TMEM223: variants seen among roughly 807,000 people sequenced by gnomAD.
The protein encoded by TMEM223 is transmembrane protein 223.
Under a neutral mutation model 14.1 loss-of-function variants are expected in TMEM223, and 14 were observed. The ratio of observed to expected loss-of-function variants is 0.99; its 90% confidence interval spans 0.66 to 1.55. The LOEUF (loss-of-function observed/expected upper bound fraction) is 1.55, where lower values mean the gene tolerates loss of function less well. Ranked by LOEUF, TMEM223 falls within the 40% of genes most tolerant of loss-of-function variation. The pLI, the probability that TMEM223 is intolerant of heterozygous loss-of-function variation, is 0.00. For synonymous variants in TMEM223, 145 were observed against 120.5 expected, an observed-to-expected ratio of 1.20 and a Z score of -1.33; for missense variants, 346 against 269.9, an observed-to-expected ratio of 1.28 and a Z score of -1.97.
Position 62,790,607 on chromosome 11 carries a change from A to C in TMEM223, c.*16T>G. 6.3e-7 allele frequency: 1 copy of C among 1,597,366 alleles called. No homozygotes were observed. The highest frequency in any genetic ancestry group is 8.6e-7 in the Non-Finnish European group (1 of 1,169,532). On this transcript the variant is annotated 3_prime_UTR_variant, in exon 2 of 2. Transcript: ENST00000307366. ...TATCCTCCTCTTGGAGAGGTGAGTGACTTGAGGTCATTTCTTCACAAGCTC... is the reference window on the plus strand; with the variant it reads ...TATCCTCCTCTTGGAGAGGTGAGTGCCTTGAGGTCATTTCTTCACAAGCTC...
chr11:62,791,772 G>A lies in TMEM223; in HGVS notation c.223C>T (p.Gln75Ter), dbSNP rs762877900. ...TTTGGGACCTCCGCATCCAGAGGCT[G>A]CACCGGAACCGGGGGCCGGGACACG... ...AAVSRPPVPV[Q>*]PLDAEVPNRG... The change falls in exon 1 of 2, where the codon CAG becomes TAG. Residue 75 changes from glutamine (Q) to a stop codon, truncating the protein, a stop_gained. Coordinates refer to ENST00000307366, the MANE Select transcript of TMEM223 (RefSeq NM_001080501.3). LOFTEE classifies it high-confidence loss of function. The A allele has an allele frequency of 5.7e-6, 9 of 1,566,988 alleles. No individual in the cohort carries two copies. In the South Asian group the frequency reaches 7.0e-5, roughly 12 times the overall value.
downstream of TMEM223, chr11:62,782,713 G>A (rs2084239425): frequency 6.2e-7 from 1 of 1,612,306 alleles, no homozygotes; most frequent in Non-Finnish European, 8.5e-7. Flanking sequence ...GACCTTGTAA[G>A]TGGCCTCTAT....
chr11:62,776,886 CACCT>C (rs1334011484), intron 1 of TMEM223, among the ~76,000 whole-genome samples: 4 of 149,206 alleles, frequency 2.7e-5, no homozygotes, highest in African/African-American at 9.9e-5. Context: ...CAGGAGCTTA[CACCT>C]AAAATCCCAG....
chr11:62,791,647 T>C (rs746208203), intron 1 of TMEM223, 32 bp downstream of exon 1: 5 of 1,495,368 alleles, frequency 3.3e-6, no homozygotes, highest in East Asian at 2.5e-5. Context: ...CCACCCCACG[T>C]TGTCACAGTG....
chr11:62,771,995 G>A (rs1156249131), exon 3 of TMEM223: 3 of 409,646 alleles, frequency 7.3e-6, no homozygotes, highest in Admixed American at 2.9e-5. Flanking sequence ...TACAGCTGGC[G>A]GCTCCTGAAT....
At chr11:62,789,421 A>G, downstream of TMEM223, 1 of 1,613,282 alleles carries the variant, frequency 6.2e-7, no homozygotes, top group Non-Finnish European at 8.5e-7. Context: ...TGAACACTAC[A>G]ATTAGGTAAT....
downstream of TMEM223, among the ~76,000 whole-genome samples, chr11:62,784,032 G>C: frequency 1.3e-3 from 1 of 750 alleles, no homozygotes; most frequent in African/African-American, 4.0e-3. Context: ...ACTGTCGCCC[G>C]GGCTGGAGTG....
At chr11:62,787,421 G>C, downstream of TMEM223, 3 of 1,560,152 alleles carry the variant, frequency 1.9e-6, no homozygotes, top group Middle Eastern at 1.7e-4. Flanking sequence ...CTTCCTGGTG[G>C]TCAGGGCGCC....
downstream of TMEM223, chr11:62,787,449 G>A: frequency 6.4e-7 from 1 of 1,568,718 alleles, no homozygotes; most frequent in South Asian, 1.1e-5. Flanking sequence ...TGTCCTGGCT[G>A]CAGCGCGTCG....
chr11:62,787,080 T>C, downstream of TMEM223: 1 of 1,535,282 alleles, frequency 6.5e-7, no homozygotes, highest in Non-Finnish European at 8.7e-7. Context: ...AGAAGAGCCG[T>C]TTCGCCCCGC....
At position 62,790,133 on chromosome 11, in the gene TMEM223, A is replaced by T; in HGVS notation, c.*490T>A. 272 of 835,530 alleles carry T rather than the reference A, an allele frequency of 3.3e-4. No individual in the cohort carries two copies. Among genetic ancestry groups the T allele is most frequent in the Middle Eastern group, 1.7e-3 (4 of 2,346 alleles). The allele number at this position is 835,530 out of a possible 1,614,324, so 51.8% of individuals were successfully genotyped here. A position where few individuals can be genotyped will look rare whatever the true frequency, so the allele number is the denominator to read the frequency against. On this transcript the variant is annotated 3_prime_UTR_variant, in exon 2 of 2. Transcript: ENST00000307366. ...CCCTCAAGGCCCTGTTTATGTTGGG[A>T]GTCTTAGTTTTCCTTTCGTTGGGGG...
rs2084350143 is a variant in TMEM223, at chr11:62,790,666, G to A, written c.566C>T (p.Thr189Ile). The change falls in exon 2 of 2, where the codon ACA (threonine) becomes ATA (isoleucine). Residue 189 changes from threonine (T) to isoleucine (I), a missense_variant. Physicochemically the swap from Thr to Ile is moderately conservative, Grantham distance 89. Coordinates refer to ENST00000307366, the MANE Select transcript of TMEM223 (RefSeq NM_001080501.3). Reference protein sequence around the residue: ...LLDKTGHFPNTKLFDNTVGAY... With the variant: ...LLDKTGHFPNIKLFDNTVGAY... Reference sequence around the variant, plus strand: ...ACCCACAGTATTGTCAAAGAGTTTTGTGTTAGGGAAGTGTCCAGTTTTGTC... The same window carrying A: ...ACCCACAGTATTGTCAAAGAGTTTTATGTTAGGGAAGTGTCCAGTTTTGTC... The A allele has an allele frequency of 4.3e-6, 7 of 1,612,316 alleles. No homozygotes were observed. Among genetic ancestry groups the A allele is most frequent in the Non-Finnish European group, 5.9e-6 (7 of 1,179,190 alleles).
At chr11:62,786,239 T>C (rs2084273894), downstream of TMEM223, 3 of 1,604,728 alleles carry the variant, frequency 1.9e-6, no homozygotes, top group South Asian at 2.2e-5. Context: ...ATGCTAACTG[T>C]ATTCCTTCTC....
Position 62,780,979 on chromosome 11 carries a change from T to G in TMEM223, c.315-6314A>C, listed in dbSNP as rs2084225194. ...GGCCGGGCACGGTGGCTAACGCCTG[T>G]AATCTCAGCACTTTGGGAGGCCGAG... On this transcript the variant is annotated intron_variant, in intron 1 of 2. Coordinates refer to the TMEM223 transcript ENST00000528367. Among the ~76,000 whole-genome samples, 3 of 147,752 alleles carry G rather than the reference T, an allele frequency of 2.0e-5. No homozygotes were observed. In the Admixed American group the frequency reaches 2.0e-4, roughly 10 times the overall value.
At chr11:62,787,394 G>A (rs757328540), downstream of TMEM223, 2 of 1,556,214 alleles carry the variant, frequency 1.3e-6, no homozygotes, top group Admixed American at 3.8e-5. Flanking sequence ...TTTGGGCGGG[G>A]TGCTGCTGCA....
chr11:62,789,898 G>A (rs1301155299), downstream of TMEM223: 35 of 1,613,706 alleles, frequency 2.2e-5, no homozygotes, highest in Non-Finnish European at 2.7e-5. Flanking sequence ...CTCTTCTTGG[G>A]TGAATTTGGT....
downstream of TMEM223, among the ~76,000 whole-genome samples, chr11:62,784,119 G>T (rs777906117): frequency 2.6e-4 from 38 of 143,790 alleles, no homozygotes; most frequent in Middle Eastern, 7.2e-3. Flanking sequence ...CTCCTGAGTA[G>T]CTGGGACTTA....
At chr11:62,787,545 G>A (rs771693218), downstream of TMEM223, 1 of 1,539,544 alleles carries the variant, frequency 6.5e-7, no homozygotes, top group Non-Finnish European at 8.7e-7. Flanking sequence ...TGCGGGGCGG[G>A]GTCAGGTAGG....
chr11:62,787,556 CG>C, downstream of TMEM223: 2 of 1,519,010 alleles, frequency 1.3e-6, no homozygotes, highest in Non-Finnish European at 1.8e-6. Context: ...GTCAGGTAGG[CG>C]GGGGAGCTGG....
Sources: allele counts gnomAD v4.1 joint callset (sites outside exome capture counted in the v4.1 genomes callset), GRCh38; gene constraint gnomAD v4.1.1; transcripts MANE v1.5; gene names NCBI Gene and HGNC (gene_info 2026-07-23, HGNC 2026-07-21).